The following SGK1 variants were observed in gnomAD, a reference collection of about 807,000 sequenced individuals.
SGK1 encodes serine/threonine-protein kinase Sgk1.
SGK1 carries 26 observed loss-of-function variants against 64.2 expected under a neutral mutation model. That is an observed-to-expected ratio of 0.40 (90% CI 0.30 to 0.56). SGK1 has a LOEUF of 0.56. SGK1 is among the 20% of genes least tolerant of loss of function. SGK1 has a pLI of 0.38. For missense variants in SGK1, 519 were observed against 645.6 expected (o/e 0.80, Z 2.12); for synonymous variants, 265 against 239.7 (o/e 1.11, Z -0.98).
chr6:134,247,833 C>A (rs1048412677), intron 2 of SGK1, among the ~76,000 whole-genome samples: 2 of 152,154 alleles, frequency 1.3e-5, no homozygotes, highest in East Asian at 3.8e-4. Context: ...ACAGTCTATG[C>A]CATTTTTGCT....
intron 1 of SGK1, among the ~76,000 whole-genome samples, chr6:134,276,059 T>G (rs569994334): frequency 1.2e-4 from 18 of 152,336 alleles, no homozygotes; most frequent in Non-Finnish European, 1.2e-4. Flanking sequence ...GTGTGTTCCC[T>G]CTTCCTAGCT....
chr6:134,228,972 T>A (rs913567092), intron 2 of SGK1, among the ~76,000 whole-genome samples: 1 of 152,008 alleles, frequency 6.6e-6, no homozygotes, highest in Non-Finnish European at 1.5e-5. Flanking sequence ...GCCTCCTGAG[T>A]AGCTGGGACT....
chr6:134,288,119 T>C (rs988251691), intron 1 of SGK1, among the ~76,000 whole-genome samples: 7 of 152,184 alleles, frequency 4.6e-5, no homozygotes, highest in Non-Finnish European at 1.5e-5. Flanking sequence ...AAGACCCTTC[T>C]TACAGCTGGG....
chr6:134,212,004 A>G (rs1775897355), intron 2 of SGK1, among the ~76,000 whole-genome samples: 1 of 151,814 alleles, frequency 6.6e-6, no homozygotes, highest in South Asian at 2.1e-4. Context: ...CACAGGTTGA[A>G]TTGAAATCTG....
intron 1 of SGK1, among the ~76,000 whole-genome samples, chr6:134,268,615 C>T (rs113437484): frequency 7.1e-6 from 1 of 141,840 alleles, no homozygotes; most frequent in Non-Finnish European, 1.5e-5. Flanking sequence ...CCCAGCTACT[C>T]GGGAGGCTGA....
chr6:134,236,656 AAC>A (rs199531439), intron 2 of SGK1, among the ~76,000 whole-genome samples: 2 of 151,778 alleles, frequency 1.3e-5, no homozygotes, highest in Non-Finnish European at 1.5e-5. Flanking sequence ...ATGAATTTTA[AAC>A]ACACACACAC....
At chr6:134,304,852 T>A (rs540848715) in intron 1 of SGK1, among the ~76,000 whole-genome samples, 1 of 152,266 alleles carries the variant, frequency 6.6e-6, no homozygotes, top group South Asian at 2.1e-4. Context: ...TTTCTAAAGA[T>A]TTGTCCAATT....
rs373820904 is a variant in SGK1 at position 134,256,712 on chromosome 6, T to TACACAGCTC, written c.285+5212_285+5220dup. ...TAGCATGCATTATTTAGTAACAGCT[T>TACACAGCTC]ACACAGCTCTAAGTTATCATCTTTC... On this transcript the variant is annotated intron_variant, in intron 2 of 13. Transcript: ENST00000367858. 3.4e-3 allele frequency among the ~76,000 whole-genome samples: 515 copies of TACACAGCTC among 152,342 alleles called. 3 individuals are homozygous for TACACAGCTC. Among genetic ancestry groups the TACACAGCTC allele is most frequent in the African/African-American group, 0.012 (489 of 41,564 alleles).
intron 2 of SGK1, among the ~76,000 whole-genome samples, chr6:134,233,587 C>A (rs541927227): frequency 6.6e-6 from 1 of 152,272 alleles, no homozygotes; most frequent in African/African-American, 2.4e-5. Context: ...AAGGCCTGAA[C>A]CCTCATAGAG....
chr6:134,229,945 A>G (rs1301137139), intron 2 of SGK1, among the ~76,000 whole-genome samples: 1 of 152,180 alleles, frequency 6.6e-6, no homozygotes. Flanking sequence ...TTTTATTAAC[A>G]CTTTGTTCTC....
At chr6:134,250,275 T>G (rs1776587708) in intron 2 of SGK1, among the ~76,000 whole-genome samples, 1 of 152,214 alleles carries the variant, frequency 6.6e-6, no homozygotes, top group African/African-American at 2.4e-5. Context: ...TTTAATATGC[T>G]CTTATATCAC....
intron 3 of SGK1, chr6:134,174,973 G>GCCCC: frequency 1.5e-6 from 2 of 1,350,522 alleles, no homozygotes; most frequent in East Asian, 5.1e-5. Flanking sequence ...GCCCCGCCCC[G>GCCCC]GCCGCCTCGC....
chr6:134,246,072 TAG>T (rs1162427437), intron 2 of SGK1, among the ~76,000 whole-genome samples: 1 of 152,148 alleles, frequency 6.6e-6, no homozygotes, highest in African/African-American at 2.4e-5. Flanking sequence ...ACGTAAAGGG[TAG>T]TAGTAGATTG....
At chr6:134,281,170 C>T (rs991787646) in intron 1 of SGK1, among the ~76,000 whole-genome samples, 3 of 152,162 alleles carry the variant, frequency 2.0e-5, no homozygotes, top group Non-Finnish European at 2.9e-5. Flanking sequence ...TTTAAAGTCC[C>T]CATTCCAACT....
intron 2 of SGK1, among the ~76,000 whole-genome samples, chr6:134,218,975 GTTTTTT>G (rs1238153209): frequency 3.3e-5 from 5 of 151,510 alleles, no homozygotes; most frequent in Admixed American, 1.3e-4. Flanking sequence ...TAAAATGGCT[GTTTTTT>G]TGTTTTTGTT....
At chr6:134,289,296 T>C (rs1777228968) in intron 1 of SGK1, among the ~76,000 whole-genome samples, 1 of 152,232 alleles carries the variant, frequency 6.6e-6, no homozygotes, top group South Asian at 2.1e-4. Flanking sequence ...TAATTGGCAA[T>C]GAATTTAAAC....
chr6:134,233,689 A>G (rs1314637665), intron 2 of SGK1, among the ~76,000 whole-genome samples: 1 of 152,232 alleles, frequency 6.6e-6, no homozygotes, highest in Admixed American at 6.5e-5. Flanking sequence ...AGCAATAAAT[A>G]TGGGATTTAA....
At chr6:134,256,647 T>C (rs1262414492) in intron 2 of SGK1, among the ~76,000 whole-genome samples, 1 of 152,204 alleles carries the variant, frequency 6.6e-6, no homozygotes, top group East Asian at 1.9e-4. Context: ...TTGTGGCCTA[T>C]AAGTTAGTTT....
intron 3 of SGK1, among the ~76,000 whole-genome samples, chr6:134,187,739 G>A (rs1412773677): frequency 6.6e-6 from 1 of 152,176 alleles, no homozygotes. Context: ...ACCATGACAG[G>A]GGATAGGGCA....
Sources: gnomAD v4.1 joint callset for allele counts (sites outside exome capture counted in the v4.1 genomes callset) on GRCh38, gnomAD v4.1.1 for gene constraint, MANE v1.5 for transcripts, NCBI Gene and HGNC (gene_info 2026-07-23, HGNC 2026-07-21) for gene names.